Variants in TJP2 observed in about 807,000 individuals in gnomAD.
TJP2 encodes the protein Friedreich ataxia region gene X104 (tight junction protein ZO-2).
A neutral mutation model predicts 133.1 loss-of-function variants in TJP2; 91 were observed. That is an observed-to-expected ratio of 0.68 (90% CI 0.58 to 0.81). The LOEUF (loss-of-function observed/expected upper bound fraction) is 0.81, where lower values mean the gene tolerates loss of function less well. TJP2 is among the 40% of genes least tolerant of loss of function. TJP2 has a pLI of 0.00. For synonymous variants in TJP2, 592 were observed against 583.4 expected, an observed-to-expected ratio of 1.01 and a Z score of -0.21; for missense variants, 1,541 against 1,565.6, an observed-to-expected ratio of 0.98 and a Z score of 0.26.
chr9:69,152,662 GTTAA>G (rs1049714278), intron 2 of TJP2, among the ~76,000 whole-genome samples: 49 of 152,068 alleles, frequency 3.2e-4, no homozygotes, highest in African/African-American at 1.1e-3. Flanking sequence ...AACTAAATGA[GTTAA>G]TGGGCCCAGC....
intron 1 of TJP2, among the ~76,000 whole-genome samples, chr9:69,130,598 T>C (rs1189211361): frequency 6.6e-6 from 1 of 151,950 alleles, no homozygotes; most frequent in African/African-American, 2.4e-5. Flanking sequence ...TTGGAGGCCT[T>C]TGGAAGTGCA....
At chr9:69,147,925 CTTTTTTT>C (rs71951691) in intron 1 of TJP2, among the ~76,000 whole-genome samples, 1 of 143,780 alleles carries the variant, frequency 7.0e-6, no homozygotes, top group African/African-American at 2.5e-5. Flanking sequence ...TCACTGATCA[CTTTTTTT>C]TTTTTTTTTG....
chr9:69,188,580 TAG>T (rs1182964047), intron 1 of TJP2, among the ~76,000 whole-genome samples: 1 of 152,210 alleles, frequency 6.6e-6, no homozygotes, highest in Non-Finnish European at 1.5e-5. Context: ...TTTGTATTCC[TAG>T]AGAATCTTAA....
intron 19 of TJP2, 138 bp downstream of exon 19, chr9:69,248,362 T>A: frequency 6.9e-7 from 1 of 1,448,674 alleles, no homozygotes; most frequent in Non-Finnish European, 9.1e-7. Flanking sequence ...AGTCTCTCGC[T>A]TTGAGTCCAC....
At chr9:69,235,958 G>T in intron 12 of TJP2, 70 bp from the exon 13 acceptor site, 3 of 1,412,102 alleles carry the variant, frequency 2.1e-6, no homozygotes, top group Non-Finnish European at 2.0e-6. Flanking sequence ...GATAGGAGAA[G>T]CTGTGTTGAG....
At chr9:69,219,071 G>C (rs1828608571) in intron 4 of TJP2, among the ~76,000 whole-genome samples, 2 of 151,820 alleles carry the variant, frequency 1.3e-5, no homozygotes, top group Admixed American at 1.3e-4. Flanking sequence ...CTGGGTTCAA[G>C]CGATTCTCCT....
intron 1 of TJP2, among the ~76,000 whole-genome samples, chr9:69,191,716 T>A (rs1331877613): frequency 6.6e-6 from 1 of 152,192 alleles, no homozygotes; most frequent in African/African-American, 2.4e-5. Context: ...AAACGTTCAA[T>A]GACTGAATGC....
chr9:69,235,999 A>G (rs1830160327), intron 12 of TJP2, 29 bp from the exon 13 acceptor site: 7 of 1,608,212 alleles, frequency 4.4e-6, no homozygotes, highest in African/African-American at 2.7e-5. Context: ...ACTAAGCTGA[A>G]TGCAACAAAC....
At chr9:69,218,413 C>T (rs1357493607) in intron 4 of TJP2, 54 bp downstream of exon 4, 5 of 1,394,366 alleles carry the variant, frequency 3.6e-6, no homozygotes, top group Admixed American at 1.7e-5. Context: ...GTTTTTTGCC[C>T]AGAAGAAAAT....
intron 2 of TJP2, among the ~76,000 whole-genome samples, chr9:69,165,119 G>A (rs1005673550): frequency 1.3e-5 from 2 of 151,660 alleles, no homozygotes; most frequent in Non-Finnish European, 2.9e-5. Context: ...CTTGAGCCAC[G>A]GCGCCTGGCT....
At chr9:69,173,503 A>G (rs536705821), upstream of TJP2, among the ~76,000 whole-genome samples, 12 of 152,318 alleles carry the variant, frequency 7.9e-5, no homozygotes, top group African/African-American at 1.9e-4. Flanking sequence ...AGGAGTTTCA[A>G]TCTCTTTATT....
chr9:69,163,355 G>A (rs935393476), intron 2 of TJP2, among the ~76,000 whole-genome samples: 12 of 151,726 alleles, frequency 7.9e-5, no homozygotes, highest in African/African-American at 2.9e-4. Flanking sequence ...AACATTTTTA[G>A]CTGAGTGCGG....
At chr9:69,247,919 A>G in intron 18 of TJP2, 93 bp from the exon 19 acceptor site, 1 of 1,284,994 alleles carries the variant, frequency 7.8e-7, no homozygotes, top group East Asian at 2.4e-5. Flanking sequence ...TCAAGGTTTC[A>G]GTCGCTTGGC....
intron 1 of TJP2, among the ~76,000 whole-genome samples, chr9:69,142,077 G>C (rs1823041868): frequency 6.6e-6 from 1 of 152,222 alleles, no homozygotes; most frequent in African/African-American, 2.4e-5. Context: ...AGGAATGGAT[G>C]AGGGTGTCTT....
In TJP2 at chr9:69,220,805, A is replaced by G. The variant is rs531072575; in HGVS notation, c.343-82A>G. ...GCAGGGATACGGTTTTCCTGAAACC[A>G]GAACCAGGGCTCTTAACCACTGCCT... On this transcript the variant is annotated intron_variant, in intron 4 of 22. Transcript: ENST00000377245. 14 of 1,412,406 alleles carry G rather than the reference A, an allele frequency of 9.9e-6. No homozygotes were observed. The South Asian group carries it at 1.4e-4, about 14-fold the overall frequency. The allele number at this position is 1,412,406 out of a possible 1,614,324, so 87.5% of individuals were successfully genotyped here. A position where few individuals can be genotyped will look rare whatever the true frequency, so the allele number is the denominator to read the frequency against.
chr9:69,226,688 G>A (rs1327687368), intron 7 of TJP2, among the ~76,000 whole-genome samples: 2 of 152,060 alleles, frequency 1.3e-5, no homozygotes, highest in African/African-American at 4.8e-5. Flanking sequence ...TAGTAGAGAC[G>A]GGGTTTCACC....
At chr9:69,181,460 G>A (rs1361399612) in intron 1 of TJP2, among the ~76,000 whole-genome samples, 1 of 152,094 alleles carries the variant, frequency 6.6e-6, no homozygotes, top group African/African-American at 2.4e-5. Flanking sequence ...ATGTTGGCCA[G>A]GCTGGTCTCG....
chr9:69,253,642 AG>A (rs1371137639), intron 22 of TJP2: 2 of 176,134 alleles, frequency 1.1e-5, no homozygotes, highest in Non-Finnish European at 2.4e-5. Flanking sequence ...TAATAGAGAC[AG>A]GGTTTCACCA....
chr9:69,174,422 G>A lies in TJP2; in HGVS notation c.50G>A (p.Gly17Asp). 6.4e-7 allele frequency: 1 copy of A among 1,551,600 alleles called. No homozygotes were observed. Among genetic ancestry groups the A allele is most frequent in the African/African-American group, 1.4e-5 (1 of 73,248 alleles). The change falls in exon 1 of 23, where the codon GGT (glycine) becomes GAT (aspartate). Residue 17 changes from glycine (G) to aspartate (D), a missense_variant. By Grantham distance (94) the Gly-to-Asp change is moderately conservative. Coordinates refer to ENST00000377245, the MANE Select transcript of TJP2 (RefSeq NM_004817.4). The part of the protein sequence containing the change: ...RGFPPRRELS[G>D]WLRAPGMEEL... The stretch of plus-strand genomic sequence containing the variant: ...TTTCCACCCCGGCGGGAGCTGTCAG[G>A]TTGGCTCCGCGTAAGTGCCTCCTTG...
Sources: gnomAD v4.1 joint callset for allele counts (sites outside exome capture counted in the v4.1 genomes callset) on GRCh38, gnomAD v4.1.1 for gene constraint, MANE v1.5 for transcripts, NCBI Gene and HGNC (gene_info 2026-07-23, HGNC 2026-07-21) for gene names.